The following ECE1 variants were observed in gnomAD, a reference collection of about 807,000 sequenced individuals.
The protein encoded by ECE1 is endothelin-converting enzyme 1.
A neutral mutation model predicts 98.6 loss-of-function variants in ECE1; 35 were observed. The ratio of observed to expected loss-of-function variants is 0.35; its 90% CI spans 0.27 to 0.47. The LOEUF (loss-of-function observed/expected upper bound fraction) is 0.47, where lower values mean the gene tolerates loss of function less well. Among genes scored for constraint, ECE1 ranks in the 20% least tolerant of loss-of-function variants. The probability of loss-of-function intolerance (pLI) is 1.00; values close to 1 mark genes in which losing one functional copy is unlikely to be tolerated. For missense variants in ECE1, 814 were observed against 1,025.3 expected (o/e 0.79, Z 2.81); for synonymous variants, 394 against 407.1 (o/e 0.97, Z 0.39).
rs570668921 is a variant in ECE1 at position 21,245,562 on chromosome 1, G to C, written c.1164-459C>G. ...AGCCCAGCCAGGCCAAGCTTTCCATGATGACAGCTCCTACTGCCCCACCTG... is the reference window on the plus strand; with the variant it reads ...AGCCCAGCCAGGCCAAGCTTTCCATCATGACAGCTCCTACTGCCCCACCTG... On this transcript the variant is annotated intron_variant, in intron 9 of 18. Coordinates refer to ENST00000374893, the MANE Select transcript of ECE1 (RefSeq NM_001397.3). Among the ~76,000 whole-genome samples the C allele has an allele frequency of 3.9e-5, 6 of 152,304 alleles. No individual in the cohort carries two copies. In the East Asian group the frequency reaches 1.2e-3, roughly 29 times the overall value.
At chr1:21,300,440 CT>C (rs879441797) in intron 1 of ECE1, among the ~76,000 whole-genome samples, 117 of 146,748 alleles carry the variant, frequency 8.0e-4, no homozygotes, top group Non-Finnish European at 8.3e-4. Context: ...CCCTGAATGA[CT>C]TTTTTTTTTT....
upstream of ECE1, among the ~76,000 whole-genome samples, chr1:21,290,666 C>T (rs1008374029): frequency 8.5e-5 from 13 of 152,194 alleles, no homozygotes; most frequent in Admixed American, 7.9e-4. The surrounding 1 kb of genome is among the most constrained non-coding windows in gnomAD (Gnocchi z 7.3). Context: ...TCACAGTGAC[C>T]CCTCCTTCGA....
chr1:21,233,782 G>GCCCCAAGCCCTGCATTCC lies in ECE1; in HGVS notation c.1567-122_1567-121insGGAATGCAGGGCTTGGGG. On this transcript the variant is annotated intron_variant, in intron 13 of 18. Transcript: ENST00000374893. This position sits in a 1 kb window ranked among gnomAD's most constrained non-coding sequence, Gnocchi z 4.0. ...TCTGCAGGCTGGAGACCGGAATGCAGGGCTTGGGGCTGCAGGGTCAGCTCT... is the reference window on the plus strand; with the variant it reads ...TCTGCAGGCTGGAGACCGGAATGCAGCCCCAAGCCCTGCATTCCGGCTTGGGGCTGCAGGGTCAGCTCT... 1 of 888,500 alleles carries GCCCCAAGCCCTGCATTCC rather than the reference G, an allele frequency of 1.1e-6. No individual in the cohort carries two copies. The highest frequency in any genetic ancestry group is 1.8e-6 in the Non-Finnish European group (1 of 557,114). The allele number at this position is 888,500 out of a possible 1,614,324, so 55.0% of individuals were successfully genotyped here. A position where few individuals can be genotyped will look rare whatever the true frequency, so the allele number is the denominator to read the frequency against.
chr1:21,341,594 T>C lies in ECE1; in HGVS notation c.3+3782A>G, dbSNP rs115478780. On this transcript the variant is annotated intron_variant, in intron 1 of 18. Transcript: ENST00000415912. ...CTCTGCAGGGAAAACAATGTATTTATTCTTTAACAAAAGGTAACAACATCC... is the reference window on the plus strand; with the variant it reads ...CTCTGCAGGGAAAACAATGTATTTACTCTTTAACAAAAGGTAACAACATCC... Among the ~76,000 whole-genome samples the C allele has an allele frequency of 1.2e-3, 177 of 152,350 alleles. 1 individual carries two copies. Among genetic ancestry groups the C allele is most frequent in the African/African-American group, 4.1e-3 (170 of 41,576 alleles).
intron 14 of ECE1, among the ~76,000 whole-genome samples, chr1:21,230,855 T>A (rs908481003): frequency 3.9e-5 from 6 of 152,130 alleles, no homozygotes; most frequent in East Asian, 1.9e-4. Context: ...CCATAAAATT[T>A]AAAAAAAATC....
rs1049832848 is a variant in ECE1, at chr1:21,217,253, C to A, written c.*2702G>T. On this transcript the variant is annotated 3_prime_UTR_variant, in exon 19 of 19. Coordinates refer to ENST00000374893, the MANE Select transcript of ECE1 (RefSeq NM_001397.3). ...ACAGACACCCAGACACATGGCCCTC[C>A]GTACAAGTATTTTATTTCCATTACA... 6.6e-6 allele frequency: 1 copy of A among 152,198 alleles called. No homozygotes were observed. The highest frequency in any genetic ancestry group is 2.4e-5 in the African/African-American group (1 of 41,412). The allele number at this position is 152,198 out of a possible 1,614,324, so 9.4% of individuals were successfully genotyped here. A position where few individuals can be genotyped will look rare whatever the true frequency, so the allele number is the denominator to read the frequency against.
chr1:21,294,691 C>A (rs989544316), upstream of ECE1, among the ~76,000 whole-genome samples: 2 of 152,216 alleles, frequency 1.3e-5, no homozygotes, highest in Non-Finnish European at 2.9e-5. This position sits in a 1 kb window ranked among gnomAD's most constrained non-coding sequence, Gnocchi z 4.2. Context: ...CTGGGCATGA[C>A]CCCCTTTGCC....
At chr1:21,316,678 G>A (rs1301198301) in intron 1 of ECE1, among the ~76,000 whole-genome samples, 1 of 152,138 alleles carries the variant, frequency 6.6e-6, no homozygotes, top group African/African-American at 2.4e-5. Context: ...TGCTGTGGTT[G>A]TGAATGAGAA....
chr1:21,249,963 G>T (rs1324403195), intron 8 of ECE1, among the ~76,000 whole-genome samples: 2 of 128,536 alleles, frequency 1.6e-5, no homozygotes, highest in Non-Finnish European at 3.2e-5. Flanking sequence ...TTTTTTAATA[G>T]AGACGGGGTT....
At chr1:21,240,651 T>C (rs1455686557) in intron 10 of ECE1, among the ~76,000 whole-genome samples, 6 of 152,248 alleles carry the variant, frequency 3.9e-5, no homozygotes, top group Non-Finnish European at 8.8e-5. Context: ...CCCAACTACG[T>C]GTCCATTTGG....
intron 8 of ECE1, among the ~76,000 whole-genome samples, chr1:21,253,452 G>C (rs931405065): frequency 6.6e-6 from 1 of 152,044 alleles, no homozygotes; most frequent in Non-Finnish European, 1.5e-5. Context: ...GTTCTCAAAG[G>C]ACTCTGTGAC....
At chr1:21,317,801 G>A (rs1406916001) in intron 1 of ECE1, among the ~76,000 whole-genome samples, 4 of 152,214 alleles carry the variant, frequency 2.6e-5, no homozygotes, top group African/African-American at 4.8e-5. Flanking sequence ...GTGGGTCAGG[G>A]CAGTCAAGAG....
rs1013856492 is a variant in ECE1, at chr1:21,260,849, T to C, written c.494-457A>G. 2.6e-5 allele frequency among the ~76,000 whole-genome samples: 4 copies of C among 152,216 alleles called. No homozygotes were observed. Among genetic ancestry groups the C allele is most frequent in the Non-Finnish European group, 5.9e-5 (4 of 68,044 alleles). ...GGAAACTCAAAAGGCTCATTCATTA[T>C]GAATTTACTTTTTGCTTCCTCCTTG... On this transcript the variant is annotated intron_variant, in intron 4 of 18. Transcript: ENST00000374893. This position sits in a 1 kb window ranked among gnomAD's most constrained non-coding sequence, Gnocchi z 4.3.
At chr1:21,278,849 CAT>C (rs986621511) in intron 3 of ECE1, among the ~76,000 whole-genome samples, 4 of 152,196 alleles carry the variant, frequency 2.6e-5, no homozygotes, top group Non-Finnish European at 4.4e-5. Context: ...AGCTATGGGA[CAT>C]ATGTTATCTC....
intron 16 of ECE1, among the ~76,000 whole-genome samples, chr1:21,226,050 G>A (rs776188396): frequency 6.6e-6 from 1 of 152,112 alleles, no homozygotes; most frequent in Non-Finnish European, 1.5e-5. Context: ...CCTAGGAAGA[G>A]GCAGATGGAG....
intron 7 of ECE1, 120 bp from the exon 8 acceptor site, chr1:21,256,258 C>A: frequency 8.6e-7 from 1 of 1,163,368 alleles, no homozygotes; most frequent in Non-Finnish European, 1.2e-6. Flanking sequence ...GCACAGTGCC[C>A]CCAAGACACC....
chr1:21,309,782 C>CTTTT (rs1223419250), intron 1 of ECE1, among the ~76,000 whole-genome samples: 1 of 130,138 alleles, frequency 7.7e-6, no homozygotes. Flanking sequence ...TTTTTTCTTT[C>CTTTT]TTTTTTTTTT....
chr1:21,235,870 G>A lies in ECE1; in HGVS notation c.1546C>T (p.Leu516=), dbSNP rs143819896. 1.8e-4 allele frequency: 290 copies of A among 1,614,192 alleles called. 1 individual carries two copies. The highest frequency in any genetic ancestry group is 1.8e-4 in the Non-Finnish European group (208 of 1,180,032). ...CTCACGTCATTAAACACTTTGTCCA[G>A]CTCCTTGGGATCCATGATGAAGTTG... The part of the protein sequence containing the change: ...YPNFIMDPKE[L]DKVFNDYTAV... The change falls in exon 13 of 19, where the codon CTG becomes TTG. Residue 516 remains leucine, a synonymous_variant. Transcript: ENST00000374893. The surrounding 1 kb of genome is among the most constrained non-coding windows in gnomAD (Gnocchi z 4.2).
chr1:21,308,065 A>G (rs1007814090), intron 1 of ECE1, among the ~76,000 whole-genome samples: 14 of 152,070 alleles, frequency 9.2e-5, no homozygotes, highest in African/African-American at 3.1e-4. Flanking sequence ...TCCCACCCAC[A>G]TGGAAAGCAG....
Sources: allele counts gnomAD v4.1 joint callset (sites outside exome capture counted in the v4.1 genomes callset), GRCh38; gene constraint gnomAD v4.1.1; non-coding constraint Gnocchi (gnomAD v3.1); transcripts MANE v1.5; gene names NCBI Gene and HGNC (gene_info 2026-07-23, HGNC 2026-07-21).